EXOC4: variants seen among roughly 807,000 people sequenced by gnomAD.
EXOC4 encodes the protein SEC8-like 1.
EXOC4 carries 71 observed loss-of-function variants against 107.2 expected under a neutral mutation model. The observed-to-expected ratio is 0.66, with a 90% confidence interval of 0.55 to 0.81. EXOC4 has a LOEUF of 0.81. EXOC4 is among the 30% of genes least tolerant of loss of function. The pLI is 0.00. For synonymous variants in EXOC4, 456 were observed against 441.2 expected, an observed-to-expected ratio of 1.03 and a Z score of -0.42; for missense variants, 1,108 against 1,189.6, an observed-to-expected ratio of 0.93 and a Z score of 1.01.
chr7:133,477,592 C>T (rs1009564283), intron 8 of EXOC4, among the ~76,000 whole-genome samples: 6 of 152,048 alleles, frequency 3.9e-5, no homozygotes, highest in East Asian at 1.9e-4. Context: ...CTGGCAATCA[C>T]GAATAAAGCT....
At chr7:133,381,722 T>C (rs1260672450) in intron 7 of EXOC4, among the ~76,000 whole-genome samples, 1 of 152,182 alleles carries the variant, frequency 6.6e-6, no homozygotes, top group African/African-American at 2.4e-5. Flanking sequence ...ATTTGACTTA[T>C]CTAGGGATTG....
intron 9 of EXOC4, among the ~76,000 whole-genome samples, chr7:133,552,302 A>G (rs536850705): frequency 1.3e-5 from 2 of 152,320 alleles, no homozygotes; most frequent in South Asian, 4.1e-4. Flanking sequence ...TTTACATTGC[A>G]TCTTAAATAT....
chr7:133,413,799 G>T (rs950220782), intron 7 of EXOC4, among the ~76,000 whole-genome samples: 1 of 152,060 alleles, frequency 6.6e-6, no homozygotes, highest in Non-Finnish European at 1.5e-5. Flanking sequence ...GAGCTATGTT[G>T]TCCAAGATCA....
chr7:134,085,813 G>A, the EXOC4 span, among the ~76,000 whole-genome samples: 2 of 152,174 alleles, frequency 1.3e-5, no homozygotes, highest in Non-Finnish European at 2.9e-5. Context: ...GGGGCAAATG[G>A]GAGCCTGGCA....
At chr7:133,995,006 T>C (rs1227677899) in intron 14 of EXOC4, among the ~76,000 whole-genome samples, 1 of 152,198 alleles carries the variant, frequency 6.6e-6, no homozygotes, top group Non-Finnish European at 1.5e-5. Context: ...AACTTTCTAG[T>C]AGAGCTCTGG....
At chr7:133,576,558 G>T in intron 9 of EXOC4, 1 of 1,289,750 alleles carries the variant, frequency 7.8e-7, no homozygotes, top group Non-Finnish European at 1.0e-6. Context: ...ATGAGCAAAG[G>T]AGAGGATCCC....
At chr7:133,387,931 A>G (rs1428965782) in intron 7 of EXOC4, among the ~76,000 whole-genome samples, 3 of 151,990 alleles carry the variant, frequency 2.0e-5, no homozygotes, top group Non-Finnish European at 4.4e-5. Context: ...TAAATGTATA[A>G]TATGAACAGC....
chr7:133,332,488 G>GC (rs1795417530), intron 5 of EXOC4, among the ~76,000 whole-genome samples: 1 of 152,118 alleles, frequency 6.6e-6, no homozygotes, highest in Admixed American at 6.5e-5. Context: ...GGTGGTGCGT[G>GC]CCTGTAATTC....
At chr7:133,899,745 C>CTTTTTTT (rs35095963) in intron 12 of EXOC4, among the ~76,000 whole-genome samples, 1 of 86,230 alleles carries the variant, frequency 1.2e-5, no homozygotes. Context: ...CAGATGTACT[C>CTTTTTTT]TTTTTTTTTT....
At chr7:134,078,247 C>T in the EXOC4 span, among the ~76,000 whole-genome samples, 1 of 151,740 alleles carries the variant, frequency 6.6e-6, no homozygotes, top group Non-Finnish European at 1.5e-5. Context: ...AATTCAGTGT[C>T]TCTGAGTACT....
chr7:133,836,096 T>C (rs2151243559), intron 11 of EXOC4, among the ~76,000 whole-genome samples: 1 of 152,320 alleles, frequency 6.6e-6, no homozygotes, highest in African/African-American at 2.4e-5. Context: ...ACTTACATGA[T>C]GGAAATATAA....
chr7:133,797,271 G>A (rs1796836806), intron 10 of EXOC4, among the ~76,000 whole-genome samples: 1 of 152,120 alleles, frequency 6.6e-6, no homozygotes. Context: ...AAGATTTATT[G>A]TGAGCATATG....
chr7:133,766,762 C>T (rs1396162269), intron 10 of EXOC4, among the ~76,000 whole-genome samples: 1 of 151,944 alleles, frequency 6.6e-6, no homozygotes, highest in Non-Finnish European at 1.5e-5. Flanking sequence ...CTAATATATT[C>T]TCTGAAGCAT....
Position 133,345,469 on chromosome 7 carries a change from G to T in EXOC4, c.764-10861G>T, listed in dbSNP as rs550361301. Among the ~76,000 whole-genome samples the T allele has an allele frequency of 7.9e-5, 12 of 151,972 alleles. No homozygotes were observed. In the East Asian group the frequency reaches 1.9e-3, roughly 25 times the overall value. ...CTGTCAGTTTATTCATCTGTTCCTT[G>T]TCCCTCCTGTTATCTTGCAGTCCTG... On this transcript the variant is annotated intron_variant, in intron 5 of 17. Coordinates refer to ENST00000253861, the MANE Select transcript of EXOC4 (RefSeq NM_021807.4).
chr7:133,875,302 A>C (rs960398020), intron 11 of EXOC4, among the ~76,000 whole-genome samples: 2 of 152,312 alleles, frequency 1.3e-5, no homozygotes, highest in African/African-American at 4.8e-5. Context: ...AGGAAATGCT[A>C]TGGTGTTGTT....
At chr7:134,002,612 TTAATAA>T (rs763218297) in intron 15 of EXOC4, among the ~76,000 whole-genome samples, 12 of 152,140 alleles carry the variant, frequency 7.9e-5, no homozygotes, top group Admixed American at 3.3e-4. Flanking sequence ...CTCTCAAAAC[TTAATAA>T]TAAGAAAACA....
chr7:133,392,612 A>G (rs1392742549), intron 7 of EXOC4, among the ~76,000 whole-genome samples: 3 of 152,210 alleles, frequency 2.0e-5, no homozygotes, highest in Non-Finnish European at 2.9e-5. Flanking sequence ...TTAGCAGACT[A>G]GGAGACCACA....
At chr7:133,455,087 A>G (rs1474546822) in intron 7 of EXOC4, among the ~76,000 whole-genome samples, 3 of 152,160 alleles carry the variant, frequency 2.0e-5, no homozygotes. Context: ...CCTGTCTCCA[A>G]AAAATATATA....
At chr7:133,376,160 T>G (rs1796485939) in intron 7 of EXOC4, among the ~76,000 whole-genome samples, 1 of 152,162 alleles carries the variant, frequency 6.6e-6, no homozygotes, top group African/African-American at 2.4e-5. Flanking sequence ...TGATTCCTGG[T>G]TTTTCATTCA....
Sources: allele counts gnomAD v4.1 joint callset (sites outside exome capture counted in the v4.1 genomes callset), GRCh38; gene constraint gnomAD v4.1.1; transcripts MANE v1.5; gene names NCBI Gene and HGNC (gene_info 2026-07-23, HGNC 2026-07-21).